The following ARL15 variants were observed in gnomAD, a reference collection of about 807,000 sequenced individuals.
ARL15 encodes ADP-ribosylation factor-like protein 15.
ARL15 carries 19 observed loss-of-function variants against 25.2 expected under a neutral mutation model. The observed-to-expected ratio is 0.75, with a 90% confidence interval of 0.53 to 1.10. The LOEUF (loss-of-function observed/expected upper bound fraction) is 1.10. Ranked by LOEUF, ARL15 falls within the 50% of genes least tolerant of loss-of-function variation. The probability of loss-of-function intolerance (pLI) is 0.00; values close to 1 mark genes in which losing one functional copy is unlikely to be tolerated. For missense variants in ARL15, 220 were observed against 246.0 expected, an observed-to-expected ratio of 0.89 and a Z score of 0.71; for synonymous variants, 94 against 86.8, an observed-to-expected ratio of 1.08 and a Z score of -0.46.
intron 3 of ARL15, among the ~76,000 whole-genome samples, chr5:54,131,089 A>G (rs1332927937): frequency 1.3e-5 from 2 of 152,170 alleles, no homozygotes; most frequent in Non-Finnish European, 2.9e-5. Flanking sequence ...GACCTGGGGC[A>G]TGCTCTCCCC....
At chr5:54,280,341 A>G (rs531591396) in intron 1 of ARL15, among the ~76,000 whole-genome samples, 1 of 152,340 alleles carries the variant, frequency 6.6e-6, no homozygotes. Flanking sequence ...TAACTAAAAA[A>G]CATGTTTAGC....
At chr5:54,239,751 T>C (rs1244454178) in intron 1 of ARL15, among the ~76,000 whole-genome samples, 2 of 152,190 alleles carry the variant, frequency 1.3e-5, no homozygotes, top group East Asian at 3.9e-4. Context: ...ATAACCATTT[T>C]GGACAATGAT....
intron 4 of ARL15, among the ~76,000 whole-genome samples, chr5:54,058,208 G>A (rs1473332215): frequency 1.2e-4 from 18 of 152,032 alleles, no homozygotes; most frequent in Non-Finnish European, 1.3e-4. Context: ...GTTTCACCAT[G>A]TTGCCCGGGC....
chr5:54,201,528 G>A (rs1457454407), intron 1 of ARL15, among the ~76,000 whole-genome samples: 1 of 152,020 alleles, frequency 6.6e-6, no homozygotes, highest in East Asian at 1.9e-4. Context: ...CATCCCCCAG[G>A]TGATGTCTGA....
intron 3 of ARL15, among the ~76,000 whole-genome samples, chr5:54,147,972 G>A (rs1338252386): frequency 6.6e-6 from 1 of 152,122 alleles, no homozygotes; most frequent in Admixed American, 6.5e-5. Context: ...AATGAGAGAT[G>A]GTAGTGGGGA....
chr5:54,222,413 A>ACAAACAAG, intron 1 of ARL15, among the ~76,000 whole-genome samples: 1 of 152,198 alleles, frequency 6.6e-6, no homozygotes, highest in African/African-American at 2.4e-5. Context: ...ACAACAAAAA[A>ACAAACAAG]CAAACAAGCA....
At chr5:54,154,252 T>C (rs1579853570) in intron 3 of ARL15, 1 of 195,050 alleles carries the variant, frequency 5.1e-6, no homozygotes, top group Non-Finnish European at 1.0e-5. Context: ...CCCCGAATAG[T>C]TGATCTTTCA....
At chr5:54,076,348 G>A (rs1422096892) in intron 4 of ARL15, among the ~76,000 whole-genome samples, 1 of 151,848 alleles carries the variant, frequency 6.6e-6, no homozygotes, top group East Asian at 1.9e-4. Context: ...GTGAACCCAG[G>A]AGGCGGAGCT....
intron 3 of ARL15, among the ~76,000 whole-genome samples, chr5:54,127,354 A>G (rs1753291537): frequency 6.6e-6 from 1 of 152,186 alleles, no homozygotes; most frequent in African/African-American, 2.4e-5. Flanking sequence ...AAAAATCACA[A>G]GCATTCTTAT....
chr5:54,058,841 T>C (rs1215235499), intron 4 of ARL15, among the ~76,000 whole-genome samples: 1 of 152,196 alleles, frequency 6.6e-6, no homozygotes, highest in African/African-American at 2.4e-5. Context: ...TCCCTCGGGT[T>C]ACCATGAGAG....
In ARL15 at chr5:54,309,012, A is replaced by G. The variant is rs930184986; in HGVS notation, c.48+1420T>C. On this transcript the variant is annotated intron_variant, in intron 1 of 4. Coordinates refer to ENST00000504924, the MANE Select transcript of ARL15 (RefSeq NM_019087.3). ...TTGTATTTTATAAGATAAATTACAA[A>G]TTAAATCAGTTATTTAACTTAGAAA... 2.6e-5 allele frequency among the ~76,000 whole-genome samples: 4 copies of G among 152,368 alleles called. No homozygotes were observed. In the South Asian group the frequency reaches 8.3e-4, roughly 32 times the overall value.
intron 3 of ARL15, among the ~76,000 whole-genome samples, chr5:54,129,695 T>C (rs538772657): frequency 2.0e-5 from 3 of 152,208 alleles, no homozygotes; most frequent in Non-Finnish European, 2.9e-5. Context: ...CATTTGAACA[T>C]ATAAATGTAA....
chr5:54,206,754 C>T (rs1282980769), intron 1 of ARL15, among the ~76,000 whole-genome samples: 2 of 151,996 alleles, frequency 1.3e-5, no homozygotes, highest in African/African-American at 2.4e-5. Context: ...AAGAAGTAGC[C>T]GTCAGGGAAA....
intron 1 of ARL15, among the ~76,000 whole-genome samples, chr5:54,253,546 T>C (rs1373061112): frequency 1.3e-5 from 2 of 152,154 alleles, no homozygotes; most frequent in African/African-American, 4.8e-5. Context: ...TGGAAATAGG[T>C]TAATTTTAAA....
chr5:54,019,053 T>G (rs1179404502), intron 4 of ARL15, among the ~76,000 whole-genome samples: 2 of 152,206 alleles, frequency 1.3e-5, no homozygotes, highest in African/African-American at 2.4e-5. Flanking sequence ...CATTGGCATC[T>G]TAACTACTAA....
intron 4 of ARL15, among the ~76,000 whole-genome samples, chr5:54,037,955 G>A (rs57829885): frequency 0.031 from 4,704 of 151,962 alleles, 252 homozygotes; most frequent in African/African-American, 0.11. Context: ...TTATCTATCC[G>A]AATCTCCAAA....
intron 4 of ARL15, among the ~76,000 whole-genome samples, chr5:53,897,904 T>G (rs903446910): frequency 1.3e-4 from 20 of 152,216 alleles, no homozygotes; most frequent in Admixed American, 7.9e-4. Context: ...AAAACTTAAC[T>G]ACTAATAGCC....
At chr5:54,151,840 TGAA>T (rs1754078449) in intron 3 of ARL15, among the ~76,000 whole-genome samples, 1 of 152,084 alleles carries the variant, frequency 6.6e-6, no homozygotes, top group Admixed American at 6.5e-5. Context: ...TTCCCTATTT[TGAA>T]GAAGTGAGAA....
At position 54,277,592 on chromosome 5, in the gene ARL15, A is replaced by G. The variant is rs13358889; in HGVS notation, c.48+32840T>C. Among the ~76,000 whole-genome samples the G allele has an allele frequency of 4.5e-3, 690 of 152,272 alleles. 6 individuals are homozygous for G. Among genetic ancestry groups the G allele is most frequent in the African/African-American group, 0.016 (651 of 41,572 alleles). ...TGGTGAAACCACGTCTCTACTAAAAATACAAAAAAATTAGCCGGGCGTGGT... is the reference window on the plus strand; with the variant it reads ...TGGTGAAACCACGTCTCTACTAAAAGTACAAAAAAATTAGCCGGGCGTGGT... On this transcript the variant is annotated intron_variant, in intron 1 of 4. Transcript: ENST00000504924.
Sources: gnomAD v4.1 joint callset for allele counts (sites outside exome capture counted in the v4.1 genomes callset) on GRCh38, gnomAD v4.1.1 for gene constraint, MANE v1.5 for transcripts, NCBI Gene and HGNC (gene_info 2026-07-23, HGNC 2026-07-21) for gene names.